The following VPS13D variants were observed in gnomAD, a reference collection of about 807,000 sequenced individuals.
VPS13D encodes the protein intermembrane lipid transfer protein VPS13D.
Under a neutral mutation model 461.9 loss-of-function variants are expected in VPS13D, and 187 were observed. That is an observed-to-expected ratio of 0.40 (90% CI 0.36 to 0.46). VPS13D has a LOEUF of 0.46. Ranked by LOEUF, VPS13D falls within the 20% of genes least tolerant of loss-of-function variation. The pLI, the probability that VPS13D is intolerant of heterozygous loss-of-function variation, is 0.60. For synonymous variants in VPS13D, 1,951 were observed against 1,986.3 expected, an observed-to-expected ratio of 0.98 and a Z score of 0.47; for missense variants, 4,711 against 5,364.9, an observed-to-expected ratio of 0.88 and a Z score of 3.81.
chr1:12,286,773 G>T (rs768504804), intron 21 of VPS13D, among the ~76,000 whole-genome samples: 1 of 152,216 alleles, frequency 6.6e-6, no homozygotes, highest in Non-Finnish European at 1.5e-5. Flanking sequence ...AGTGGTGGTG[G>T]TGGTGGTTGG....
At chr1:12,408,376 C>A (rs1053949364) in intron 63 of VPS13D, among the ~76,000 whole-genome samples, 1 of 151,766 alleles carries the variant, frequency 6.6e-6, no homozygotes, top group Non-Finnish European at 1.5e-5. Context: ...GACTTTTTTG[C>A]GGGGTGGGGA....
At chr1:12,487,760 G>A (rs752693730) in intron 67 of VPS13D, among the ~76,000 whole-genome samples, 15 of 152,086 alleles carry the variant, frequency 9.9e-5, no homozygotes, top group Non-Finnish European at 1.8e-4. Context: ...TAGGACACAC[G>A]CCTCCCCCAC....
chr1:12,234,407 T>C (rs763531634), intron 2 of VPS13D, 44 bp downstream of exon 2: 1 of 1,520,342 alleles, frequency 6.6e-7, no homozygotes, highest in South Asian at 1.2e-5. Flanking sequence ...AGGTGGCGTT[T>C]CTATTTTTGT....
At chr1:12,406,465 C>G (rs1316438092) in intron 63 of VPS13D, among the ~76,000 whole-genome samples, 1 of 152,166 alleles carries the variant, frequency 6.6e-6, no homozygotes, top group Admixed American at 6.5e-5. Flanking sequence ...TATCTTGATT[C>G]TTCTGACTCC....
At chr1:12,331,730 A>AT in intron 37 of VPS13D, among the ~76,000 whole-genome samples, 1 of 151,652 alleles carries the variant, frequency 6.6e-6, no homozygotes, top group East Asian at 1.9e-4. Flanking sequence ...AAAAAAAAAA[A>AT]AAAAAGAATA....
chr1:12,404,154 T>A (rs1644617824), intron 63 of VPS13D, among the ~76,000 whole-genome samples, 181 bp downstream of exon 63: 1 of 149,384 alleles, frequency 6.7e-6, no homozygotes, highest in Admixed American at 6.7e-5. Flanking sequence ...TTGACTTACG[T>A]GTATTTGTCT....
In VPS13D at chr1:12,357,581, C is replaced by T. The variant is rs1407691177; in HGVS notation, c.9999-878C>T. Among the ~76,000 whole-genome samples the T allele has an allele frequency of 3.3e-5, 5 of 152,166 alleles. No individual in the cohort carries two copies. In the East Asian group the frequency reaches 9.6e-4, roughly 29 times the overall value. On this transcript the variant is annotated intron_variant, in intron 49 of 69. Transcript: ENST00000620676. Reference sequence around the variant, plus strand: ...ATTGTTATATTTTAAGATGAGGAAACAGGCTCAGAGAGATTGCTACCTGCC... The same window carrying T: ...ATTGTTATATTTTAAGATGAGGAAATAGGCTCAGAGAGATTGCTACCTGCC...
intron 64 of VPS13D, among the ~76,000 whole-genome samples, chr1:12,415,668 A>G (rs150040083): frequency 4.4e-4 from 67 of 152,108 alleles, no homozygotes; most frequent in African/African-American, 1.6e-3. Context: ...GCAAAGATCA[A>G]AAAGTAAAGG....
chr1:12,264,828 G>A (rs1401147358), intron 13 of VPS13D, among the ~76,000 whole-genome samples: 1 of 152,202 alleles, frequency 6.6e-6, no homozygotes, highest in African/African-American at 2.4e-5. Context: ...AGATGAAAAG[G>A]CCTTCTATTG....
At chr1:12,368,636 G>A in intron 53 of VPS13D, 45 bp downstream of exon 53, 1 of 1,594,282 alleles carries the variant, frequency 6.3e-7, no homozygotes, top group Non-Finnish European at 8.5e-7. Flanking sequence ...TCATGTGTGG[G>A]AGGGTGGAGT....
rs762562345 is a variant in VPS13D at position 12,234,276 on chromosome 1, G to A, written c.10G>A (p.Gly4Ser). Residue 4 changes from glycine to serine, a missense_variant, in exon 2 of 70, where the codon GGC becomes AGC. Gly to Ser is a moderately conservative substitution (Grantham distance 56). This residue lies in a region of VPS13D where 4,411 missense variants were observed against 4,937.8 expected (regional missense o/e 0.89). Transcript: ENST00000620676. MLE[G>S]LVAWVLNTYL... ...TCCTGAGGATATAGTCATGTTGGAA[G>A]GCCTTGTAGCCTGGGTTCTCAATAC... 1.9e-6 allele frequency: 3 copies of A among 1,613,390 alleles called. No individual in the cohort carries two copies. Among genetic ancestry groups the A allele is most frequent in the Non-Finnish European group, 2.5e-6 (3 of 1,179,424 alleles).
intron 63 of VPS13D, among the ~76,000 whole-genome samples, chr1:12,405,084 G>A (rs1294786355): frequency 6.6e-6 from 1 of 152,214 alleles, no homozygotes; most frequent in Non-Finnish European, 1.5e-5. Flanking sequence ...GTAGATGCCC[G>A]CAGGAGCTGC....
chr1:12,302,232 T>C (rs1478574626), intron 25 of VPS13D, among the ~76,000 whole-genome samples: 1 of 152,214 alleles, frequency 6.6e-6, no homozygotes, highest in Non-Finnish European at 1.5e-5. Flanking sequence ...GAAATGGCAT[T>C]ATGCGGTGCA....
intron 2 of VPS13D, among the ~76,000 whole-genome samples, chr1:12,238,044 G>T (rs1195766637): frequency 6.6e-6 from 1 of 151,394 alleles, no homozygotes; most frequent in Non-Finnish European, 1.5e-5. Flanking sequence ...AGTCCCAGCT[G>T]CTTGGGAGGC....
At chr1:12,490,498 A>G (rs1206978786) in intron 67 of VPS13D, among the ~76,000 whole-genome samples, 5 of 152,358 alleles carry the variant, frequency 3.3e-5, no homozygotes, top group East Asian at 3.9e-4. Context: ...CTGTTTATGG[A>G]GAAGAAATGC....
At chr1:12,380,451 T>G (rs575294980) in intron 57 of VPS13D, among the ~76,000 whole-genome samples, 1 of 151,762 alleles carries the variant, frequency 6.6e-6, no homozygotes, top group Admixed American at 6.6e-5. Context: ...AATGTCAGAA[T>G]GAAGATTGCT....
At chr1:12,343,091 TG>T (rs748218455) in intron 42 of VPS13D, 40 bp downstream of exon 42, 15 of 1,551,898 alleles carry the variant, frequency 9.7e-6, no homozygotes, top group Non-Finnish European at 1.3e-5. Context: ...AAAAAGAAAG[TG>T]GATGTAAGTG....
intron 67 of VPS13D, among the ~76,000 whole-genome samples, chr1:12,468,589 A>C (rs1007597325): frequency 3.3e-5 from 5 of 152,194 alleles, no homozygotes; most frequent in African/African-American, 1.2e-4. Flanking sequence ...TGGGTGTTAT[A>C]ATTCACCCGT....
intron 7 of VPS13D, among the ~76,000 whole-genome samples, chr1:12,254,163 A>T (rs1196545652): frequency 6.6e-6 from 1 of 152,180 alleles, no homozygotes. Context: ...CACCGTTTGC[A>T]TGTTCACGTA....
Sources: gnomAD v4.1 joint callset for allele counts (sites outside exome capture counted in the v4.1 genomes callset) on GRCh38, gnomAD v4.1.1 for gene constraint, gnomAD v4.1.1 regional missense constraint, MANE v1.5 for transcripts, NCBI Gene and HGNC (gene_info 2026-07-23, HGNC 2026-07-21) for gene names.